The following RAPGEF6 variants were observed in gnomAD, a reference collection of about 807,000 sequenced individuals.
The protein encoded by RAPGEF6 is PDZ domain containing guanine nucleotide exchange factor (GEF) 2.
A neutral mutation model predicts 171.4 loss-of-function variants in RAPGEF6; 56 were observed. That is an observed-to-expected ratio of 0.33 (90% CI 0.26 to 0.41). The LOEUF (loss-of-function observed/expected upper bound fraction) is 0.41, where lower values mean the gene tolerates loss of function less well. Ranked by LOEUF, RAPGEF6 falls within the 10% of genes least tolerant of loss-of-function variation. RAPGEF6 has a pLI of 1.00. For missense variants in RAPGEF6, 1,674 were observed against 1,921.4 expected, an observed-to-expected ratio of 0.87 and a Z score of 2.41; for synonymous variants, 692 against 650.1, an observed-to-expected ratio of 1.06 and a Z score of -0.98.
At chr5:131,616,066 GGA>G (rs992597613) in intron 1 of RAPGEF6, among the ~76,000 whole-genome samples, 5 of 151,972 alleles carry the variant, frequency 3.3e-5, no homozygotes, top group Non-Finnish European at 7.4e-5. Flanking sequence ...TACCAGCTCA[GGA>G]TTAGGGAATA....
intron 4 of RAPGEF6, among the ~76,000 whole-genome samples, chr5:131,565,691 A>G (rs1761887493): frequency 6.6e-6 from 1 of 152,214 alleles, no homozygotes. Flanking sequence ...AGACCCATAA[A>G]TACATGTTCA....
chr5:131,500,400 A>G (rs905259247), intron 11 of RAPGEF6, among the ~76,000 whole-genome samples: 1 of 152,134 alleles, frequency 6.6e-6, no homozygotes, highest in Admixed American at 6.5e-5. Flanking sequence ...TCCATTTCCT[A>G]GAATAGCTGA....
intron 23 of RAPGEF6, among the ~76,000 whole-genome samples, chr5:131,440,834 C>T (rs747207033): frequency 1.5e-4 from 23 of 151,246 alleles, no homozygotes; most frequent in Middle Eastern, 3.2e-3. Context: ...AAAACCAGAG[C>T]TAACTTTGTC....
At chr5:131,467,261 G>T (rs1754423039) in intron 17 of RAPGEF6, among the ~76,000 whole-genome samples, 1 of 152,190 alleles carries the variant, frequency 6.6e-6, no homozygotes, top group Non-Finnish European at 1.5e-5. Flanking sequence ...TTGTCCATGT[G>T]AAGGACAAAT....
chr5:131,434,136 C>G (rs1751880554), intron 24 of RAPGEF6, among the ~76,000 whole-genome samples: 1 of 152,222 alleles, frequency 6.6e-6, no homozygotes, highest in Non-Finnish European at 1.5e-5. Flanking sequence ...GTCCAGGACT[C>G]AAGGGAAAGA....
chr5:131,560,973 A>C (rs895554792), intron 5 of RAPGEF6, among the ~76,000 whole-genome samples: 3 of 152,228 alleles, frequency 2.0e-5, no homozygotes, highest in Non-Finnish European at 4.4e-5. Context: ...TCTCTTCTTG[A>C]CAGTTCAAAT....
At position 131,549,840 on chromosome 5, in the gene RAPGEF6, T is replaced by C. The variant is rs527877966; in HGVS notation, c.352-1650A>G. On this transcript the variant is annotated intron_variant, in intron 5 of 27. Transcript: ENST00000509018. ...CTCAGGTATTAAGCCTAGTGCCTAT[T>C]AGTTAATTTTCCTGATCCTCTCCCT... Among the ~76,000 whole-genome samples the C allele has an allele frequency of 5.3e-5, 8 of 152,262 alleles. No individual in the cohort carries two copies. The South Asian group carries it at 8.3e-4, about 16-fold the overall frequency.
chr5:131,556,043 G>A (rs947174063), intron 5 of RAPGEF6, among the ~76,000 whole-genome samples: 5 of 152,144 alleles, frequency 3.3e-5, no homozygotes, highest in African/African-American at 1.2e-4. Context: ...TCGAAACACA[G>A]AAAAGGTACA....
chr5:131,495,410 A>G (rs1395145679), intron 13 of RAPGEF6, 143 bp downstream of exon 13: 5 of 504,668 alleles, frequency 9.9e-6, no homozygotes, highest in South Asian at 4.4e-5. Flanking sequence ...ATAAATGAAC[A>G]AAAGTCTAGA....
At chr5:131,521,840 T>TACACACACACAC (rs3992018) in intron 6 of RAPGEF6, among the ~76,000 whole-genome samples, 91 of 97,244 alleles carry the variant, frequency 9.4e-4, no homozygotes, top group East Asian at 3.5e-3. Context: ...AATGTTACCC[T>TACACACACACAC]ACACACACAC....
intron 4 of RAPGEF6, among the ~76,000 whole-genome samples, chr5:131,581,964 A>G (rs975797022): frequency 1.3e-5 from 2 of 152,140 alleles, no homozygotes; most frequent in Non-Finnish European, 2.9e-5. Context: ...ACATCCTCCC[A>G]GCCCTTGAGA....
At chr5:131,455,298 G>A (rs1156618929) in intron 20 of RAPGEF6, among the ~76,000 whole-genome samples, 4 of 152,120 alleles carry the variant, frequency 2.6e-5, no homozygotes, top group Non-Finnish European at 4.4e-5. Context: ...TCGCTCTGTC[G>A]CCCAGGCTGG....
chr5:131,592,395 A>G lies in RAPGEF6; in HGVS notation c.269T>C (p.Leu90Ser). 6.2e-7 allele frequency: 1 copy of G among 1,613,958 alleles called. No individual in the cohort carries two copies. Among genetic ancestry groups the G allele is most frequent in the Non-Finnish European group, 8.5e-7 (1 of 1,179,846 alleles). The change falls in exon 4 of 28, where the codon TTG (leucine) becomes TCG (serine). Residue 90 changes from leucine to serine, a missense_variant. Leu to Ser is a moderately radical substitution (Grantham distance 145, BLOSUM62 -2). This residue lies in a region of RAPGEF6 where 1,116 missense variants were observed against 1,321.5 expected (regional missense o/e 0.84). Transcript: ENST00000509018. ...AATGTAAACGTACCTGCAAGGAGGC[A>G]AGACCATGGAGCCTTTCACAAGCAC... ...GSVLVKGSMV[L>S]PPCSFGKQFG...
chr5:131,550,111 T>C (rs572254882), intron 5 of RAPGEF6, among the ~76,000 whole-genome samples: 1 of 152,290 alleles, frequency 6.6e-6, no homozygotes, highest in South Asian at 2.1e-4. Context: ...ATCTCTCCCA[T>C]AATGCTCTTT....
In RAPGEF6 at chr5:131,462,008, A is replaced by T. The variant is rs1189395758; in HGVS notation, c.2561T>A (p.Leu854Gln). 1 of 1,613,864 alleles carries T rather than the reference A, an allele frequency of 6.2e-7. No individual in the cohort carries two copies. Among genetic ancestry groups the T allele is most frequent in the Non-Finnish European group, 8.5e-7 (1 of 1,179,912 alleles). The change falls in exon 19 of 28, where the codon CTA (leucine) becomes CAA (glutamine). Residue 854 changes from leucine to glutamine, a missense_variant. By Grantham distance (113) the Leu-to-Gln change is moderately radical. Transcript: ENST00000509018. Reference protein sequence around the residue: ...DAQELVKESQLSMLQLSTIEV... With the variant: ...DAQELVKESQQSMLQLSTIEV... ...AATGGTACTGAGCTGCAGCATGGATAGCTGGCTTTCCTTAACTAGTTCTTG... is the reference window on the plus strand; with the variant it reads ...AATGGTACTGAGCTGCAGCATGGATTGCTGGCTTTCCTTAACTAGTTCTTG...
chr5:131,424,683 G>C lies in RAPGEF6; in HGVS notation c.*2583C>G, dbSNP rs1040429221. ...AAGATCATATTGAAAGTAATCATTT[G>C]GAGTAAATTAGAATTATTAACTTTA... On this transcript the variant is annotated 3_prime_UTR_variant, in exon 28 of 28. Transcript: ENST00000509018. 6.6e-6 allele frequency: 1 copy of C among 152,186 alleles called. No individual in the cohort carries two copies. The highest frequency in any genetic ancestry group is 2.4e-5 in the African/African-American group (1 of 41,396). The allele number at this position is 152,186 out of a possible 1,614,324, so 9.4% of individuals were successfully genotyped here. A position where few individuals can be genotyped will look rare whatever the true frequency, so the allele number is the denominator to read the frequency against.
At chr5:131,436,327 C>T (rs1444798609) in intron 24 of RAPGEF6, 7 of 1,537,448 alleles carry the variant, frequency 4.6e-6, no homozygotes, top group Non-Finnish European at 5.2e-6. Flanking sequence ...CCCACCTATT[C>T]CGGGGCAGCT....
At chr5:131,451,872 C>T (rs966685643) in intron 21 of RAPGEF6, among the ~76,000 whole-genome samples, 2 of 152,010 alleles carry the variant, frequency 1.3e-5, no homozygotes, top group Non-Finnish European at 2.9e-5. Context: ...TACACATAGG[C>T]CCAAAAGGAA....
At chr5:131,463,737 C>T (rs1754118061) in intron 18 of RAPGEF6, 1 of 1,012,004 alleles carries the variant, frequency 9.9e-7, no homozygotes, top group African/African-American at 1.7e-5. Context: ...ACCATGGCTT[C>T]TTTTGCCAAA....
Sources: allele counts gnomAD v4.1 joint callset (sites outside exome capture counted in the v4.1 genomes callset), GRCh38; gene constraint gnomAD v4.1.1; regional missense constraint gnomAD v4.1.1; transcripts MANE v1.5; gene names NCBI Gene and HGNC (gene_info 2026-07-23, HGNC 2026-07-21).